PALM2AKAP2: variants seen among roughly 807,000 people sequenced by gnomAD.
The protein encoded by PALM2AKAP2 is PALM2 and AKAP2 fusion.
PALM2AKAP2 carries 37 observed loss-of-function variants against 71.5 expected under a neutral mutation model. That is an observed-to-expected ratio of 0.52 (90% CI 0.40 to 0.68). The LOEUF (loss-of-function observed/expected upper bound fraction) is 0.68. Among genes scored for constraint, PALM2AKAP2 ranks in the 30% least tolerant of loss-of-function variants. The probability of loss-of-function intolerance (pLI) is 0.00; values close to 1 mark genes in which losing one functional copy is unlikely to be tolerated. For missense variants in PALM2AKAP2, 1,224 were observed against 1,191.8 expected (o/e 1.03, Z -0.40); for synonymous variants, 468 against 478.8 (o/e 0.98, Z 0.29).
intron 1 of PALM2AKAP2, among the ~76,000 whole-genome samples, chr9:110,095,845 A>T (rs1296911215): frequency 6.6e-6 from 1 of 152,134 alleles, no homozygotes; most frequent in African/African-American, 2.4e-5. Flanking sequence ...CTAGAGTGGG[A>T]CCATCTTGGC....
chr9:109,931,835 T>G, intron 5 of PALM2AKAP2, 92 bp from the exon 6 acceptor site: 9 of 1,403,388 alleles, frequency 6.4e-6, no homozygotes, highest in East Asian at 2.4e-5. Context: ...CAGCGGTCCA[T>G]TATGTAGGGC....
At position 110,138,104 on chromosome 9, in the gene PALM2AKAP2, A is replaced by G. The variant is rs1835937799; in HGVS notation, c.2134A>G (p.Met712Val). 2.5e-6 allele frequency: 4 copies of G among 1,614,078 alleles called. No individual in the cohort carries two copies. In the East Asian group the frequency reaches 6.7e-5, roughly 27 times the overall value. The change falls in exon 2 of 4, where the codon ATG becomes GTG. Residue 712 changes from methionine (M) to valine (V), a missense_variant. Physicochemically the swap from Met to Val is conservative, Grantham distance 21 (BLOSUM62 1). Coordinates refer to ENST00000374525, the Ensembl canonical transcript of PALM2AKAP2. ...TTTCGGCTCAGAAAAGCCTCAGAGC[A>G]TGTTTGAGCCACCTCAGGTGTCTTC...
intron 5 of PALM2AKAP2, among the ~76,000 whole-genome samples, chr9:109,931,248 G>A (rs1467631729): frequency 6.6e-6 from 1 of 152,186 alleles, no homozygotes. Flanking sequence ...ATTTGCCCAA[G>A]CAAATCTAAT....
At chr9:110,159,883 G>A (rs1461733672) in intron 3 of PALM2AKAP2, among the ~76,000 whole-genome samples, 1 of 152,174 alleles carries the variant, frequency 6.6e-6, no homozygotes. Context: ...TTATCCAAAG[G>A]TTGTCCCCAA....
Position 109,971,283 on chromosome 9 carries a change from CTTTTTTTT to C in PALM2AKAP2, c.496+39279_496+39286del, listed in dbSNP as rs11392589. On this transcript the variant is annotated intron_variant, in intron 6 of 9. Coordinates refer to the PALM2AKAP2 transcript ENST00000302798. ...TCCATGTTTATCCCACTCTTAGTCC[CTTTTTTTT>C]TTTTTTTTTTTTTTTTTTTTTTTAC... Among the ~76,000 whole-genome samples, 27 of 45,678 alleles carry C rather than the reference CTTTTTTTT, an allele frequency of 5.9e-4. 2 individuals are homozygous for C. The highest frequency in any genetic ancestry group is 1.7e-3 in the Admixed American group (6 of 3,558). The allele number at this position is 45,678 out of a possible 152,430, so 30.0% of individuals were successfully genotyped here. A position where few individuals can be genotyped will look rare whatever the true frequency, so the allele number is the denominator to read the frequency against.
intron 1 of PALM2AKAP2, among the ~76,000 whole-genome samples, chr9:109,854,757 A>ATTTTTTTT (rs1314151781): frequency 1.5e-5 from 2 of 130,020 alleles, no homozygotes; most frequent in Non-Finnish European, 3.2e-5. Flanking sequence ...TTTTAAAAGA[A>ATTTTTTTT]TGTATCTTTT....
At chr9:109,984,147 C>T (rs1832329795) in intron 6 of PALM2AKAP2, among the ~76,000 whole-genome samples, 1 of 152,090 alleles carries the variant, frequency 6.6e-6, no homozygotes, top group African/African-American at 2.4e-5. Flanking sequence ...ACCCTTAACC[C>T]TATATATTTT....
intron 6 of PALM2AKAP2, among the ~76,000 whole-genome samples, chr9:110,012,367 TG>T (rs200274029): frequency 0.01 from 1,559 of 152,328 alleles, 25 homozygotes; most frequent in African/African-American, 0.036. Context: ...TGCCAATTTT[TG>T]CCCTAATTTC....
chr9:109,858,368 A>G (rs1327773161), intron 1 of PALM2AKAP2, among the ~76,000 whole-genome samples: 1 of 152,210 alleles, frequency 6.6e-6, no homozygotes, highest in Non-Finnish European at 1.5e-5. Context: ...CAGGAAGGGC[A>G]CATGTGACAG....
intron 1 of PALM2AKAP2, among the ~76,000 whole-genome samples, chr9:109,664,866 T>C (rs1411798041): frequency 6.6e-6 from 1 of 152,232 alleles, no homozygotes; most frequent in Non-Finnish European, 1.5e-5. Flanking sequence ...GTCCCATATT[T>C]CTTGGAAGCT....
chr9:109,979,890 G>A (rs1279469904), intron 6 of PALM2AKAP2, among the ~76,000 whole-genome samples: 1 of 152,150 alleles, frequency 6.6e-6, no homozygotes. Context: ...AGATCTGTGT[G>A]CTGAATACAT....
At chr9:110,166,188 A>G (rs1377084515) in intron 3 of PALM2AKAP2, among the ~76,000 whole-genome samples, 1 of 152,216 alleles carries the variant, frequency 6.6e-6, no homozygotes, top group Non-Finnish European at 1.5e-5. Flanking sequence ...TATACTTTAC[A>G]TACATTGCCT....
chr9:109,913,565 T>C (rs1001236457), intron 3 of PALM2AKAP2, among the ~76,000 whole-genome samples: 1 of 152,112 alleles, frequency 6.6e-6, no homozygotes, highest in Non-Finnish European at 1.5e-5. Context: ...CATTTTTTTT[T>C]CTTCTGCTGC....
At chr9:110,067,903 A>G (rs1026281219) in intron 1 of PALM2AKAP2, among the ~76,000 whole-genome samples, 7 of 152,028 alleles carry the variant, frequency 4.6e-5, no homozygotes, top group Non-Finnish European at 1.0e-4. Context: ...AACAAACATG[A>G]AACTTGGAGG....
At chr9:110,040,132 G>T (rs960652609) in intron 7 of PALM2AKAP2, among the ~76,000 whole-genome samples, 1 of 152,120 alleles carries the variant, frequency 6.6e-6, no homozygotes, top group Non-Finnish European at 1.5e-5. Context: ...AAAACAATAT[G>T]GGTATAGGTA....
At chr9:109,931,529 G>A (rs946167446) in intron 5 of PALM2AKAP2, among the ~76,000 whole-genome samples, 17 of 152,150 alleles carry the variant, frequency 1.1e-4, no homozygotes, top group African/African-American at 3.6e-4. Flanking sequence ...TTCAGAGAAT[G>A]GATCTGTTTT....
At chr9:110,122,276 C>T (rs971228573) in intron 1 of PALM2AKAP2, among the ~76,000 whole-genome samples, 15 of 152,342 alleles carry the variant, frequency 9.8e-5, no homozygotes, top group Middle Eastern at 3.4e-3. Context: ...GATCGATTCT[C>T]CCGCTTCAGC....
At chr9:109,657,663 A>G (rs1325836421) in intron 1 of PALM2AKAP2, among the ~76,000 whole-genome samples, 1 of 152,198 alleles carries the variant, frequency 6.6e-6, no homozygotes, top group African/African-American at 2.4e-5. Flanking sequence ...GCGAGTTGGT[A>G]TAGTTAAATG....
At chr9:110,149,707 T>G (rs1292161394) in intron 2 of PALM2AKAP2, among the ~76,000 whole-genome samples, 2 of 152,144 alleles carry the variant, frequency 1.3e-5, no homozygotes, top group Non-Finnish European at 2.9e-5. Flanking sequence ...ATGCCAGCAC[T>G]TTGGGAAGCT....
Sources: allele counts gnomAD v4.1 joint callset (sites outside exome capture counted in the v4.1 genomes callset), GRCh38; gene constraint gnomAD v4.1.1; transcripts MANE v1.5; gene names NCBI Gene and HGNC (gene_info 2026-07-23, HGNC 2026-07-21).